LYRM4: variants seen among roughly 807,000 people sequenced by gnomAD.
The protein encoded by LYRM4 is LYR motif-containing protein 4.
Under a neutral mutation model 11.7 loss-of-function variants are expected in LYRM4, and 9 were observed. That is an observed-to-expected ratio of 0.77 (90% CI 0.46 to 1.34). The LOEUF is 1.34. LYRM4 is among the 40% of genes most tolerant of loss of function. The pLI, the probability that LYRM4 is intolerant of heterozygous loss-of-function variation, is 0.00. For missense variants in LYRM4, 133 were observed against 112.5 expected (o/e 1.18, Z -0.82); for synonymous variants, 42 against 40.4 (o/e 1.04, Z -0.15).
At chr6:5,066,889 T>G in the LYRM4 span, 10 of 1,114,944 alleles carry the variant, frequency 9.0e-6, no homozygotes, top group African/African-American at 1.6e-5. Flanking sequence ...TGCTTTCGCA[T>G]CGCCGCTCCA....
intron 2 of LYRM4, among the ~76,000 whole-genome samples, chr6:5,137,821 G>C (rs1447571148): frequency 6.6e-6 from 1 of 152,186 alleles, no homozygotes; most frequent in East Asian, 1.9e-4. Flanking sequence ...GAGTTGACAG[G>C]CTTTGTCCTT....
the LYRM4 span, among the ~76,000 whole-genome samples, chr6:5,074,117 G>A: frequency 2.0e-5 from 3 of 152,068 alleles, no homozygotes; most frequent in South Asian, 2.1e-4. Context: ...TCCCCAAAAC[G>A]CACTGGCCAC....
intron 1 of LYRM4, among the ~76,000 whole-genome samples, chr6:5,239,637 T>C (rs1016436908): frequency 1.3e-5 from 2 of 151,952 alleles, no homozygotes; most frequent in Non-Finnish European, 2.9e-5. Context: ...GGGCCAAAGA[T>C]ACAATGAAGG....
At chr6:5,245,116 A>ATATATATATGTG (rs1764118828) in intron 1 of LYRM4, among the ~76,000 whole-genome samples, 1 of 14,712 alleles carries the variant, frequency 6.8e-5, no homozygotes, top group Non-Finnish European at 1.2e-4. Flanking sequence ...AAAAAAAAAT[A>ATATATATATGTG]TATATATATA....
At chr6:5,215,199 G>A (rs1178413638) in intron 2 of LYRM4, among the ~76,000 whole-genome samples, 1 of 152,156 alleles carries the variant, frequency 6.6e-6, no homozygotes, top group Non-Finnish European at 1.5e-5. Flanking sequence ...AAACCTGCCT[G>A]TTTTGCCAAC....
downstream of LYRM4, chr6:5,108,157 G>A (rs667543): frequency 0.7 from 106,561 of 152,220 alleles, 37,859 homozygotes; most frequent in East Asian, 0.93. Flanking sequence ...AGAAGAACAC[G>A]GGCTCAGACA....
chr6:5,162,889 T>C (rs961751131), intron 2 of LYRM4, among the ~76,000 whole-genome samples: 2 of 152,224 alleles, frequency 1.3e-5, no homozygotes, highest in Non-Finnish European at 2.9e-5. Flanking sequence ...TAATTGGCTA[T>C]CTGGATATGG....
chr6:5,145,961 T>G (rs151254823), intron 2 of LYRM4, among the ~76,000 whole-genome samples: 1 of 152,354 alleles, frequency 6.6e-6, no homozygotes, highest in Non-Finnish European at 1.5e-5. Context: ...ATTAGGTTTC[T>G]GCCTGGACAC....
intron 2 of LYRM4, among the ~76,000 whole-genome samples, chr6:5,171,681 A>T (rs930518292): frequency 6.6e-6 from 1 of 152,216 alleles, no homozygotes; most frequent in Admixed American, 6.5e-5. Flanking sequence ...ACATTTTAAG[A>T]GTCTAACGTG....
chr6:5,056,971 T>C, the LYRM4 span, among the ~76,000 whole-genome samples: 1 of 152,190 alleles, frequency 6.6e-6, no homozygotes, highest in East Asian at 1.9e-4. Context: ...AAATACTTCC[T>C]ATTTTGTCAC....
the LYRM4 span, among the ~76,000 whole-genome samples, chr6:5,048,567 C>T: frequency 1.3e-5 from 2 of 152,186 alleles, no homozygotes; most frequent in African/African-American, 2.4e-5. Flanking sequence ...CTACGTTGCC[C>T]AGGCTGGTCT....
chr6:5,238,057 G>A lies in LYRM4; in HGVS notation c.87-21319C>T, dbSNP rs147412045. Reference sequence around the variant, plus strand: ...CGTGCTCCTGGCTGCTTACTGTCCTGCCTTCTAACCACCCTTTTGCTTGGA... The same window carrying A: ...CGTGCTCCTGGCTGCTTACTGTCCTACCTTCTAACCACCCTTTTGCTTGGA... On this transcript the variant is annotated intron_variant, in intron 1 of 2. Coordinates refer to ENST00000330636, the MANE Select transcript of LYRM4 (RefSeq NM_020408.6). Among the ~76,000 whole-genome samples, 43 of 152,034 alleles carry A rather than the reference G, an allele frequency of 2.8e-4. No homozygotes were observed. The East Asian group carries it at 6.2e-3, about 22-fold the overall frequency.
In LYRM4 at chr6:5,145,381, G is replaced by A. The variant is rs148562267; in HGVS notation, c.208-35890C>T. Among the ~76,000 whole-genome samples the A allele has an allele frequency of 5.3e-3, 805 of 152,354 alleles. 8 individuals are homozygous for A. Among genetic ancestry groups the A allele is most frequent in the African/African-American group, 0.018 (768 of 41,570 alleles). On this transcript the variant is annotated intron_variant, in intron 2 of 2. Transcript: ENST00000330636. ...GCCCTCACGCTGCAAACAGTGCTGC[G>A]AAGTCGGCACCAGTATTGTTCTCAT...
intron 2 of LYRM4, among the ~76,000 whole-genome samples, chr6:5,111,622 G>C (rs140555985): frequency 6.6e-6 from 1 of 152,194 alleles, no homozygotes; most frequent in Non-Finnish European, 1.5e-5. Flanking sequence ...CACTGTCCAC[G>C]GCTCCGGGAT....
intron 2 of LYRM4, among the ~76,000 whole-genome samples, chr6:5,123,518 G>A (rs1162499563): frequency 6.6e-6 from 1 of 152,198 alleles, no homozygotes; most frequent in Non-Finnish European, 1.5e-5. Context: ...ACCCTTGGCC[G>A]GGGTATAGGA....
chr6:5,090,298 G>T, the LYRM4 span, among the ~76,000 whole-genome samples: 1 of 152,202 alleles, frequency 6.6e-6, no homozygotes, highest in Non-Finnish European at 1.5e-5. This position sits in a 1 kb window ranked among gnomAD's most constrained non-coding sequence, Gnocchi z 4.8. Flanking sequence ...GATGAAATGT[G>T]TCCCTATCTA....
chr6:5,109,748 T>TC lies in LYRM4; in HGVS notation c.208-258dup, dbSNP rs56841759. 0.18 allele frequency among the ~76,000 whole-genome samples: 27,428 copies of TC among 152,152 alleles called. 2,681 individuals are homozygous for TC. The highest frequency in any genetic ancestry group is 0.24 in the African/African-American group (9,897 of 41,494). On this transcript the variant is annotated intron_variant, in intron 2 of 2. Transcript: ENST00000330636. ...AGCACAGGAGGCTGCAGCCTGGGAC[T>TC]CGGGGCTGTGCTGAGCTGGGTGACG... is the stretch of plus-strand genomic sequence containing the variant.
At position 5,260,708 on chromosome 6, in the gene LYRM4, A is replaced by C; in HGVS notation, c.26T>G (p.Val9Gly). The C allele has an allele frequency of 6.4e-7, 1 of 1,552,740 alleles. No homozygotes were observed. The highest frequency in any genetic ancestry group is 8.7e-7 in the Non-Finnish European group (1 of 1,149,670). The change falls in exon 1 of 3, where the codon GTG becomes GGG. Residue 9 changes from valine (V) to glycine (G), a missense_variant. Physicochemically the swap from Val to Gly is moderately radical, Grantham distance 109 (BLOSUM62 -3). Coordinates refer to ENST00000330636, the MANE Select transcript of LYRM4 (RefSeq NM_020408.6). MAASSRAQ[V>G]LSLYRAMLRE... ...CAGCATCGCCCGGTACAGAGATAAC[A>C]CTTGTGCGCGACTGGAGGCTGCCAT...
chr6:5,245,453 T>C (rs759973181), intron 1 of LYRM4, among the ~76,000 whole-genome samples: 1 of 152,006 alleles, frequency 6.6e-6, no homozygotes, highest in Non-Finnish European at 1.5e-5. Flanking sequence ...AACACAGTTC[T>C]TACACCCATG....
Sources: allele counts gnomAD v4.1 joint callset (sites outside exome capture counted in the v4.1 genomes callset), GRCh38; gene constraint gnomAD v4.1.1; non-coding constraint Gnocchi (gnomAD v3.1); transcripts MANE v1.5; gene names NCBI Gene and HGNC (gene_info 2026-07-23, HGNC 2026-07-21).